Variants in KIFAP3 observed in about 807,000 individuals in gnomAD.
KIFAP3 encodes the protein kinesin-associated protein 3.
KIFAP3 carries 68 observed loss-of-function variants against 106.5 expected under a neutral mutation model. That is an observed-to-expected ratio of 0.64 (90% CI 0.53 to 0.78). KIFAP3 has a LOEUF of 0.78. Ranked by LOEUF, KIFAP3 falls within the 30% of genes least tolerant of loss-of-function variation. The probability of loss-of-function intolerance (pLI) is 0.00; values close to 1 mark genes in which losing one functional copy is unlikely to be tolerated. For missense variants in KIFAP3, 780 were observed against 941.8 expected (o/e 0.83, Z 2.25); for synonymous variants, 320 against 311.5 (o/e 1.03, Z -0.29).
intron 1 of KIFAP3, among the ~76,000 whole-genome samples, chr1:170,060,566 C>T (rs1224704668): frequency 1.3e-5 from 2 of 152,118 alleles, no homozygotes; most frequent in East Asian, 1.9e-4. Flanking sequence ...GAATCAATAT[C>T]GTGAAAATGG....
At chr1:170,057,827 T>C (rs1328215555) in intron 1 of KIFAP3, among the ~76,000 whole-genome samples, 1 of 152,138 alleles carries the variant, frequency 6.6e-6, no homozygotes. Context: ...ACTATGACAC[T>C]GATATTAAAT....
At chr1:170,025,829 AAAAC>A (rs1286286116) in intron 8 of KIFAP3, among the ~76,000 whole-genome samples, 1 of 152,236 alleles carries the variant, frequency 6.6e-6, no homozygotes, top group African/African-American at 2.4e-5. Context: ...TTACATTGAA[AAAAC>A]AAACAGACTT....
intron 15 of KIFAP3, 118 bp downstream of exon 15, chr1:169,981,854 G>T: frequency 1.3e-6 from 1 of 756,030 alleles, no homozygotes; most frequent in Non-Finnish European, 2.1e-6. Flanking sequence ...TATATAAGTT[G>T]CTATGAAACA....
chr1:169,967,816 T>C (rs1235865503), intron 17 of KIFAP3, among the ~76,000 whole-genome samples: 1 of 151,872 alleles, frequency 6.6e-6, no homozygotes, highest in African/African-American at 2.4e-5. Flanking sequence ...CAAAAAATTT[T>C]AATCAACATA....
chr1:169,992,779 T>A (rs1283856595), intron 10 of KIFAP3, among the ~76,000 whole-genome samples: 1 of 152,148 alleles, frequency 6.6e-6, no homozygotes, highest in Non-Finnish European at 1.5e-5. Flanking sequence ...GTATGAAGAA[T>A]GTCTCAGAAC....
chr1:169,921,809 C>G (rs950811361), intron 19 of KIFAP3, 28 bp from the exon 20 acceptor site: 1 of 1,540,686 alleles, frequency 6.5e-7, no homozygotes, highest in African/African-American at 1.4e-5. Flanking sequence ...GAATGATAAG[C>G]TATGTTTTTC....
intron 1 of KIFAP3, among the ~76,000 whole-genome samples, chr1:170,073,428 G>T (rs1671789427): frequency 6.6e-6 from 1 of 152,200 alleles, no homozygotes; most frequent in Non-Finnish European, 1.5e-5. Flanking sequence ...AGATCTTTCT[G>T]TGATGATGAG....
rs1669907555 is a variant in KIFAP3, at chr1:170,040,385, C to G, written c.320-1097G>C. On this transcript the variant is annotated intron_variant, in intron 3 of 19. Transcript: ENST00000361580. ...TCTTCAATTATTAATAATACTCTAC[C>G]TGGGTAGAGAAAATATTGATTTGAA... 2.6e-5 allele frequency among the ~76,000 whole-genome samples: 4 copies of G among 152,000 alleles called. No individual in the cohort carries two copies. In the South Asian group the frequency reaches 8.3e-4, roughly 32 times the overall value.
chr1:169,921,420 G>C lies in KIFAP3; in HGVS notation c.*256C>G. On this transcript the variant is annotated 3_prime_UTR_variant, in exon 20 of 20. Transcript: ENST00000361580. ...TGTTTTCCAGTCTAGTAGCTTTTCA[G>C]CATTCAGTTTTGTGGCTCATGGGAA... The C allele has an allele frequency of 3.4e-6, 1 of 293,702 alleles. No individual in the cohort carries two copies. Among genetic ancestry groups the C allele is most frequent in the Non-Finnish European group, 6.4e-6 (1 of 156,574 alleles). 18.2% of individuals were successfully genotyped at this position (293,702 alleles called of 1,614,324 possible). A position where few individuals can be genotyped will look rare whatever the true frequency, so the allele number is the denominator to read the frequency against.
At chr1:170,027,876 G>A (rs547868034) in intron 8 of KIFAP3, among the ~76,000 whole-genome samples, 6 of 151,790 alleles carry the variant, frequency 4.0e-5, no homozygotes, top group South Asian at 4.2e-4. Context: ...TGCTCAAAAC[G>A]AATGATGAAG....
chr1:170,065,705 A>G (rs1235230649), intron 1 of KIFAP3, among the ~76,000 whole-genome samples: 1 of 151,792 alleles, frequency 6.6e-6, no homozygotes, highest in Non-Finnish European at 1.5e-5. Context: ...TACAATAGTC[A>G]CTAGCTACAT....
At chr1:170,034,806 T>C (rs548857723) in intron 6 of KIFAP3, among the ~76,000 whole-genome samples, 2 of 152,068 alleles carry the variant, frequency 1.3e-5, no homozygotes, top group East Asian at 1.9e-4. Context: ...ACAAAACTAA[T>C]AATGTAGCAA....
At chr1:170,018,919 G>T (rs1211246109) in intron 9 of KIFAP3, among the ~76,000 whole-genome samples, 3 of 151,950 alleles carry the variant, frequency 2.0e-5, no homozygotes, top group Non-Finnish European at 2.9e-5. Flanking sequence ...TATTGCCAAA[G>T]ACTTCCAAAA....
rs78610983 is a variant in KIFAP3 at position 170,018,235 on chromosome 1, C to T, written c.1021-1611G>A. 4.7e-3 allele frequency among the ~76,000 whole-genome samples: 712 copies of T among 152,258 alleles called. 46 individuals carry two copies. In the East Asian group the frequency reaches 0.12, roughly 25 times the overall value. On this transcript the variant is annotated intron_variant, in intron 9 of 19. Coordinates refer to ENST00000361580, the MANE Select transcript of KIFAP3 (RefSeq NM_014970.4). Reference sequence around the variant, plus strand: ...TACCAGCTGTCAATGGCTGCTTTCACGCTACAACTAGAGCAGAGTTAGTAG... The same window carrying T: ...TACCAGCTGTCAATGGCTGCTTTCATGCTACAACTAGAGCAGAGTTAGTAG...
chr1:170,027,204 G>T (rs1669160788), intron 8 of KIFAP3, among the ~76,000 whole-genome samples: 2 of 151,988 alleles, frequency 1.3e-5, no homozygotes. Flanking sequence ...ATTTTTAGTA[G>T]AGATGGGGTT....
At chr1:170,035,312 C>G (rs1669629490) in intron 6 of KIFAP3, 142 bp downstream of exon 6, 1 of 482,826 alleles carries the variant, frequency 2.1e-6, no homozygotes, top group African/African-American at 2.0e-5. Context: ...CAATGGAAAA[C>G]AGGAATAAGA....
At chr1:170,054,461 A>C (rs1449282046) in intron 2 of KIFAP3, among the ~76,000 whole-genome samples, 1 of 152,244 alleles carries the variant, frequency 6.6e-6, no homozygotes, top group Admixed American at 6.5e-5. Flanking sequence ...ATTACTGGGC[A>C]TATACCCAAA....
At chr1:170,040,883 T>C (rs1284564400) in intron 3 of KIFAP3, among the ~76,000 whole-genome samples, 1 of 151,752 alleles carries the variant, frequency 6.6e-6, no homozygotes, top group Admixed American at 6.6e-5. Flanking sequence ...TGGAGTACAG[T>C]GGCATGGTCT....
intron 3 of KIFAP3, among the ~76,000 whole-genome samples, chr1:170,043,798 T>G (rs1052267616): frequency 6.6e-6 from 1 of 152,058 alleles, no homozygotes; most frequent in African/African-American, 2.4e-5. Context: ...TAGACAGTTA[T>G]TAAGAAATTG....
Sources: allele counts gnomAD v4.1 joint callset (sites outside exome capture counted in the v4.1 genomes callset), GRCh38; gene constraint gnomAD v4.1.1; transcripts MANE v1.5; gene names NCBI Gene and HGNC (gene_info 2026-07-23, HGNC 2026-07-21).